Variants in TEX10 observed in about 807,000 individuals in gnomAD.
TEX10 encodes testis-expressed protein 10.
Under a neutral mutation model 104.4 loss-of-function variants are expected in TEX10, and 24 were observed. That is an observed-to-expected ratio of 0.23 (90% CI 0.17 to 0.32). The LOEUF is 0.32. Among genes scored for constraint, TEX10 ranks in the 10% least tolerant of loss-of-function variants. The pLI, the probability that TEX10 is intolerant of heterozygous loss-of-function variation, is 1.00. For missense variants in TEX10, 921 were observed against 1,083.9 expected (o/e 0.85, Z 2.11); for synonymous variants, 396 against 393.4 (o/e 1.01, Z -0.08).
At chr9:100,327,271 A>C (rs980204227) in intron 8 of TEX10, among the ~76,000 whole-genome samples, 2 of 152,142 alleles carry the variant, frequency 1.3e-5, no homozygotes, top group Admixed American at 6.6e-5. Context: ...GCACAACCTT[A>C]GGAATATATT....
intron 4 of TEX10, among the ~76,000 whole-genome samples, chr9:100,342,991 C>CA (rs945729733): frequency 6.0e-5 from 9 of 151,018 alleles, no homozygotes; most frequent in South Asian, 2.1e-4. Context: ...ACTAAAAATA[C>CA]AAAAAAAATT....
At chr9:100,347,536 A>T (rs1835330666) in intron 2 of TEX10, 130 bp from the exon 3 acceptor site, 2 of 601,926 alleles carry the variant, frequency 3.3e-6, no homozygotes, top group South Asian at 3.7e-5. Context: ...GTACTTTTTA[A>T]ATGTTATTTA....
Position 100,329,174 on chromosome 9 carries a change from A to G in TEX10, c.1591T>C (p.Tyr531His). Residue 531 changes from tyrosine to histidine, a missense_variant, in exon 7 of 15, where the codon TAT becomes CAT. By Grantham distance (83) the Tyr-to-His change is moderately conservative. Transcript: ENST00000374902. ...CAAGATCTCAGTTCTTCTGTCTGAT[A>G]GATTTTACTGAAAAACTTCAATAAC... ...TLLLKFFSKIYQTEELRSCRF... is the reference protein window; with the variant it reads ...TLLLKFFSKIHQTEELRSCRF... 1.9e-6 allele frequency: 3 copies of G among 1,610,982 alleles called. No homozygotes were observed. Among genetic ancestry groups the G allele is most frequent in the Non-Finnish European group, 1.7e-6 (2 of 1,179,270 alleles).
At position 100,316,678 on chromosome 9, in the gene TEX10, T is replaced by G. The variant is rs1207251266; in HGVS notation, c.2202+3587A>C. ...GTGCAGTGGCACAGTCATAGTTCAC[T>G]GCATCCTCAAACTCCTGGGTTCCAG... On this transcript the variant is annotated intron_variant, in intron 11 of 14. Transcript: ENST00000374902. Among the ~76,000 whole-genome samples, 3 of 152,240 alleles carry G rather than the reference T, an allele frequency of 2.0e-5. No individual in the cohort carries two copies. In the East Asian group the frequency reaches 5.8e-4, roughly 29 times the overall value.
intron 1 of TEX10, chr9:100,352,455 A>G (rs1835479433): frequency 2.1e-5 from 32 of 1,551,708 alleles, no homozygotes; most frequent in Non-Finnish European, 2.8e-5. Flanking sequence ...TCCTACTCCA[A>G]GGGACGCCGG....
intron 1 of TEX10, among the ~76,000 whole-genome samples, chr9:100,351,561 G>A (rs147132103): frequency 4.5e-4 from 68 of 152,176 alleles, no homozygotes; most frequent in African/African-American, 1.6e-3. Flanking sequence ...GAAAGTAAAT[G>A]GTACAGGACA....
In TEX10 at chr9:100,327,909, G is replaced by A; in HGVS notation, c.1679C>T (p.Ala560Val). ...CTCAGGATTTCGGGAGCCAAGATGAGCAAGTTGCAATGGTAAGCCAGCCAG... is the reference window on the plus strand; with the variant it reads ...CTCAGGATTTCGGGAGCCAAGATGAACAAGTTGCAATGGTAAGCCAGCCAG... ...RWLAGLPLQL[A>V]HLGSRNPELS... Residue 560 changes from alanine (A) to valine (V), a missense_variant, in exon 8 of 15, where the codon GCT becomes GTT. This residue lies in a region of TEX10 where 753 missense variants were observed against 868.4 expected (regional missense o/e 0.87). Transcript: ENST00000374902. 1 of 1,598,032 alleles carries A rather than the reference G, an allele frequency of 6.3e-7. No homozygotes were observed. The highest frequency in any genetic ancestry group is 8.6e-7 in the Non-Finnish European group (1 of 1,169,334).
At chr9:100,334,576 T>C (rs961095993) in intron 5 of TEX10, among the ~76,000 whole-genome samples, 2 of 151,962 alleles carry the variant, frequency 1.3e-5, no homozygotes, top group Admixed American at 1.3e-4. Context: ...AGAAGTTTAC[T>C]AAAGTATCAA....
intron 10 of TEX10, among the ~76,000 whole-genome samples, chr9:100,320,614 C>A (rs1349252473): frequency 6.6e-6 from 1 of 152,104 alleles, no homozygotes; most frequent in African/African-American, 2.4e-5. Flanking sequence ...TGTGATCAGA[C>A]CCAATCTATA....
intron 9 of TEX10, among the ~76,000 whole-genome samples, chr9:100,323,298 G>T (rs1834618669): frequency 6.6e-6 from 1 of 152,128 alleles, no homozygotes. Context: ...GGGGTGGCTG[G>T]CGCTGATTAT....
At chr9:100,310,439 C>G (rs1588164698) in intron 11 of TEX10, 60 bp from the exon 12 acceptor site, 2 of 1,450,702 alleles carry the variant, frequency 1.4e-6, no homozygotes, top group African/African-American at 2.8e-5. Flanking sequence ...GAAACAAGTT[C>G]AACAGATTCT....
chr9:100,349,344 C>T lies in TEX10; in HGVS notation c.20G>A (p.Arg7His), dbSNP rs757783533. The change falls in exon 2 of 15, where the codon CGC becomes CAC. Residue 7 changes from arginine (R) to histidine (H), a missense_variant. Arg to His is a conservative substitution (Grantham distance 29). Coordinates refer to ENST00000374902, the MANE Select transcript of TEX10 (RefSeq NM_017746.4). ...TTTTACTTTTTGAAAATCATGTTGGCGTTTTCTTTTTTTAGTCATTCTCGA... is the reference window on the plus strand; with the variant it reads ...TTTTACTTTTTGAAAATCATGTTGGTGTTTTCTTTTTTTAGTCATTCTCGA... MTKKRK[R>H]QHDFQKVKLK... The T allele has an allele frequency of 1.3e-5, 21 of 1,583,618 alleles. No homozygotes were observed. The highest frequency in any genetic ancestry group is 2.2e-5 in the East Asian group (1 of 44,602).
At chr9:100,350,405 A>T (rs1252562761) in intron 1 of TEX10, among the ~76,000 whole-genome samples, 2 of 152,162 alleles carry the variant, frequency 1.3e-5, no homozygotes, top group East Asian at 3.9e-4. Context: ...TACATAGTAA[A>T]ACCTCCTTAG....
chr9:100,347,018 A>G lies in TEX10; in HGVS notation c.569T>C (p.Ile190Thr). 6.2e-7 allele frequency: 1 copy of G among 1,614,188 alleles called. No homozygotes were observed. Among genetic ancestry groups the G allele is most frequent in the Non-Finnish European group, 8.5e-7 (1 of 1,180,010 alleles). The change falls in exon 3 of 15, where the codon ATT becomes ACT. Residue 190 changes from isoleucine (I) to threonine (T), a missense_variant. By Grantham distance (89) the Ile-to-Thr change is moderately conservative (BLOSUM62 -1). This residue lies in a region of TEX10 where 753 missense variants were observed against 868.4 expected (regional missense o/e 0.87). Transcript: ENST00000374902. ...SILLKNFVEL[I>T]SHQQLSKGLI... is the part of the protein sequence containing the mutation. The stretch of plus-strand genomic sequence containing the variant: ...TCCTTTGGACAGCTGCTGATGAGAA[A>G]TAAGTTCTACAAAATTCTTAAGCAA...
In TEX10 at chr9:100,320,309, G is replaced by A; in HGVS notation, c.2158C>T (p.Leu720Phe). 1 of 1,612,946 alleles carries A rather than the reference G, an allele frequency of 6.2e-7. No homozygotes were observed. The highest frequency in any genetic ancestry group is 8.5e-7 in the Non-Finnish European group (1 of 1,179,348). Reference sequence around the variant, plus strand: ...TGTAAAAATTGATCCAAATCTGTAAGGTAGAGAAGCACAGGGGAAAGCTGT... The same window carrying A: ...TGTAAAAATTGATCCAAATCTGTAAAGTAGAGAAGCACAGGGGAAAGCTGT... The part of the protein sequence containing the change: ...QTQLSPVLLY[L>F]TDLDQFLHHW... Residue 720 changes from leucine (L) to phenylalanine (F), a missense_variant, in exon 11 of 15, where the codon CTT (leucine) becomes TTT (phenylalanine). By Grantham distance (22) the Leu-to-Phe change is conservative. This residue lies in a region of TEX10 where 753 missense variants were observed against 868.4 expected (regional missense o/e 0.87). Transcript: ENST00000374902.
At chr9:100,347,454 C>T (rs1835328074) in intron 2 of TEX10, 48 bp from the exon 3 acceptor site, 2 of 1,399,254 alleles carry the variant, frequency 1.4e-6, no homozygotes, top group Non-Finnish European at 1.9e-6. Flanking sequence ...ATACATGTAT[C>T]AATTTCACGT....
In TEX10 at chr9:100,329,924, C is replaced by T. The variant is rs771875890; in HGVS notation, c.1489+7G>A. 3.1e-6 allele frequency: 5 copies of T among 1,599,688 alleles called. No homozygotes were observed. The highest frequency in any genetic ancestry group is 1.7e-6 in the Non-Finnish European group (2 of 1,171,274). Reference sequence around the variant, plus strand: ...CTCTTAAATAAGGGCAAAGTAGCATCACCTACCTCTGTTTGGCTGTATTTG... The same window carrying T: ...CTCTTAAATAAGGGCAAAGTAGCATTACCTACCTCTGTTTGGCTGTATTTG... On this transcript the variant is annotated splice_region_variant and intron_variant, in intron 6 of 14. Coordinates refer to ENST00000374902, the MANE Select transcript of TEX10 (RefSeq NM_017746.4).
At chr9:100,331,639 G>T (rs907169592) in intron 5 of TEX10, among the ~76,000 whole-genome samples, 2 of 152,218 alleles carry the variant, frequency 1.3e-5, no homozygotes, top group African/African-American at 4.8e-5. Flanking sequence ...AATGAGCCTG[G>T]AAAGGTAAAA....
At chr9:100,351,260 T>A (rs1292323499) in intron 1 of TEX10, among the ~76,000 whole-genome samples, 1 of 151,828 alleles carries the variant, frequency 6.6e-6, no homozygotes, top group Non-Finnish European at 1.5e-5. Context: ...ATACCAGAAT[T>A]AACCTGAAGA....
Sources: gnomAD v4.1 joint callset for allele counts (sites outside exome capture counted in the v4.1 genomes callset) on GRCh38, gnomAD v4.1.1 for gene constraint, gnomAD v4.1.1 regional missense constraint, MANE v1.5 for transcripts, NCBI Gene and HGNC (gene_info 2026-07-23, HGNC 2026-07-21) for gene names.